The following ZBTB11 variants were observed in gnomAD, a reference collection of about 807,000 sequenced individuals.
ZBTB11 encodes zinc finger and BTB domain-containing protein 11.
ZBTB11 carries 68 observed loss-of-function variants against 113.1 expected under a neutral mutation model. The observed-to-expected ratio is 0.60, with a 90% confidence interval of 0.49 to 0.74. The LOEUF is 0.74. Among genes scored for constraint, ZBTB11 ranks in the 30% least tolerant of loss-of-function variants. The pLI is 0.00. For synonymous variants in ZBTB11, 518 were observed against 452.6 expected, an observed-to-expected ratio of 1.14 and a Z score of -1.83; for missense variants, 1,104 against 1,279.4, an observed-to-expected ratio of 0.86 and a Z score of 2.09.
intron 5 of ZBTB11, 83 bp from the exon 6 acceptor site, chr3:101,660,111 T>G: frequency 7.4e-7 from 1 of 1,347,562 alleles, no homozygotes; most frequent in African/African-American, 1.5e-5. Flanking sequence ...GGACTTTGTT[T>G]TTGTTACAAT....
rs1181866739 is a variant in ZBTB11, at chr3:101,649,093, C to G, written c.*2073G>C. 1.3e-5 allele frequency: 2 copies of G among 152,252 alleles called. No individual in the cohort carries two copies. 9.4% of individuals were successfully genotyped at this position (152,252 alleles called of 1,614,324 possible). ...CTCTCTTCTCTCCTCTGCCGCAACA[C>G]TCTTCTGCTCATGGAGCCTGGGGTT... On this transcript the variant is annotated 3_prime_UTR_variant, in exon 11 of 11. Coordinates refer to ENST00000312938, the MANE Select transcript of ZBTB11 (RefSeq NM_014415.4).
At chr3:101,672,922 A>G (rs1937106086) in intron 1 of ZBTB11, among the ~76,000 whole-genome samples, 1 of 152,216 alleles carries the variant, frequency 6.6e-6, no homozygotes, top group Admixed American at 6.5e-5. Context: ...TCCCAGAGGG[A>G]TGTTGTTCTT....
intron 6 of ZBTB11, among the ~76,000 whole-genome samples, chr3:101,657,960 CA>C (rs1239578319): frequency 6.6e-5 from 10 of 152,048 alleles, no homozygotes; most frequent in African/African-American, 2.2e-4. Context: ...AAGATAATGC[CA>C]CTGTATTCCG....
rs772107810 is a variant in ZBTB11 at position 101,654,811 on chromosome 3, C to T, written c.2202G>A (p.Lys734=). Residue 734 remains lysine (K), a synonymous_variant, in exon 8 of 11, where the codon AAG becomes AAA. Transcript: ENST00000312938. ...EHMSIHTGES[K]YLCSVCGKSF... is the part of the protein sequence containing the mutation. ...ACTTTCCACAAACTGAGCAAAGGTA[C>T]TTGGACTCTCCTATTAGAAAAAATT... The T allele has an allele frequency of 3.7e-6, 6 of 1,613,748 alleles. No homozygotes were observed. Among genetic ancestry groups the T allele is most frequent in the South Asian group, 1.1e-5 (1 of 91,066 alleles).
intron 6 of ZBTB11, among the ~76,000 whole-genome samples, chr3:101,657,630 T>C (rs1428099396): frequency 1.3e-5 from 2 of 151,924 alleles, no homozygotes; most frequent in Admixed American, 6.6e-5. Context: ...GAAGGGTACA[T>C]GAGAGTTCAA....
chr3:101,651,408 C>G lies in ZBTB11; in HGVS notation c.2920G>C (p.Glu974Gln). 1 of 1,614,108 alleles carries G rather than the reference C, an allele frequency of 6.2e-7. No homozygotes were observed. The highest frequency in any genetic ancestry group is 8.5e-7 in the Non-Finnish European group (1 of 1,179,984). The change falls in exon 11 of 11, where the codon GAA (glutamate) becomes CAA (glutamine). Residue 974 changes from glutamate (E) to glutamine (Q), a missense_variant. Transcript: ENST00000312938. ...TCTTGAGGACCACTGCTTTCTTGTT[C>G]CTGCATGCCTGCTGTTAAGATGCTA... ...AVSILTAGMQ[E>Q]QESSGPQELE...
intron 8 of ZBTB11, among the ~76,000 whole-genome samples, chr3:101,653,735 G>T (rs947261323): frequency 6.6e-6 from 1 of 152,110 alleles, no homozygotes; most frequent in African/African-American, 2.4e-5. Flanking sequence ...CAAACTGTTA[G>T]AATCAACCTT....
intron 7 of ZBTB11, 66 bp downstream of exon 7, chr3:101,656,038 T>TA (rs1936791840): frequency 8.5e-7 from 1 of 1,169,964 alleles, no homozygotes; most frequent in Non-Finnish European, 1.1e-6. Context: ...TAATTTCTGG[T>TA]ATAATTAAAG....
Position 101,672,021 on chromosome 3 carries a change from T to C in ZBTB11, c.503A>G (p.Lys168Arg). ...NFTSSPTTAS[K>R]PAKKKPVSKH... is the part of the protein sequence containing the mutation. ...GGATACTGGCTTCTTTTTTGCAGGC[T>C]TGGATGCTGTAGTTGGAGATGAAGT... Residue 168 changes from lysine to arginine, a missense_variant, in exon 2 of 11, where the codon AAG (lysine) becomes AGG (arginine). Physicochemically the swap from Lys to Arg is conservative, Grantham distance 26. Coordinates refer to ENST00000312938, the MANE Select transcript of ZBTB11 (RefSeq NM_014415.4). 1 of 1,614,180 alleles carries C rather than the reference T, an allele frequency of 6.2e-7. No individual in the cohort carries two copies. Among genetic ancestry groups the C allele is most frequent in the Non-Finnish European group, 8.5e-7 (1 of 1,180,022 alleles).
In ZBTB11 at chr3:101,675,389, G is replaced by T. The variant is rs373522101; in HGVS notation, c.310+1216C>A. Among the ~76,000 whole-genome samples, 4 of 152,290 alleles carry T rather than the reference G, an allele frequency of 2.6e-5. No individual in the cohort carries two copies. The South Asian group carries it at 8.3e-4, about 32-fold the overall frequency. On this transcript the variant is annotated intron_variant, in intron 1 of 10. Transcript: ENST00000312938. ...TTTGATTATCCAATAGTTCGTAAAC[G>T]AATAAACTTGATGATGTTTATAAAC... is the stretch of plus-strand genomic sequence containing the variant.
At chr3:101,658,154 TAAA>T (rs1936829067) in intron 6 of ZBTB11, among the ~76,000 whole-genome samples, 1 of 151,784 alleles carries the variant, frequency 6.6e-6, no homozygotes, top group African/African-American at 2.4e-5. Context: ...CACTCAGTCA[TAAA>T]AATGAACAAA....
chr3:101,652,473 C>CTATAAGG, intron 10 of ZBTB11, 23 bp downstream of exon 10: 1 of 1,606,720 alleles, frequency 6.2e-7, no homozygotes, highest in South Asian at 1.1e-5. Flanking sequence ...TATAAGGATA[C>CTATAAGG]ATATAATATA....
chr3:101,664,811 A>C, intron 4 of ZBTB11, 97 bp from the exon 5 acceptor site: 1 of 1,471,950 alleles, frequency 6.8e-7, no homozygotes, highest in Non-Finnish European at 9.1e-7. Context: ...TCAAATTCAC[A>C]TTATCTTATT....
chr3:101,676,151 C>G (rs780619853), intron 1 of ZBTB11, among the ~76,000 whole-genome samples: 11 of 152,142 alleles, frequency 7.2e-5, no homozygotes, highest in Non-Finnish European at 1.5e-4. Context: ...AAAACCCAAG[C>G]GCAGCACTAA....
intron 3 of ZBTB11, among the ~76,000 whole-genome samples, chr3:101,670,127 C>T (rs1375126296): frequency 3.9e-5 from 6 of 152,100 alleles, no homozygotes; most frequent in East Asian, 3.8e-4. Context: ...TGCGCCTGGC[C>T]GTTATTATTG....
At chr3:101,670,763 T>G (rs903502934) in intron 3 of ZBTB11, 1 of 184,810 alleles carries the variant, frequency 5.4e-6, no homozygotes, top group African/African-American at 2.4e-5. Context: ...CCCAAGTAGG[T>G]GGGACTACAG....
chr3:101,676,468 G>A lies in ZBTB11; in HGVS notation c.310+137C>T. On this transcript the variant is annotated intron_variant, in intron 1 of 10. Transcript: ENST00000312938. ...CTCCTTTCGCGTCCCCCACCCTCTC[G>A]GCTCCGCCTGGCAGCAGCTCCGCCG... The A allele has an allele frequency of 3.3e-6, 3 of 901,928 alleles. No individual in the cohort carries two copies. The South Asian group carries it at 8.7e-5, about 26-fold the overall frequency. The allele number at this position is 901,928 out of a possible 1,614,324, so 55.9% of individuals were successfully genotyped here.
At chr3:101,672,381 T>C (rs1937098248) in intron 1 of ZBTB11, among the ~76,000 whole-genome samples, 168 bp from the exon 2 acceptor site, 1 of 152,218 alleles carries the variant, frequency 6.6e-6, no homozygotes, top group Admixed American at 6.5e-5. Flanking sequence ...TCCCAAAAAA[T>C]ATAAAGTTAT....
At position 101,656,200 on chromosome 3, in the gene ZBTB11, T is replaced by A; in HGVS notation, c.2095A>T (p.Ser699Cys). 1 of 1,599,870 alleles carries A rather than the reference T, an allele frequency of 6.3e-7. No individual in the cohort carries two copies. The highest frequency in any genetic ancestry group is 8.5e-7 in the Non-Finnish European group (1 of 1,173,858). ...IYKHGLKLHQ[S>C]LHQSQKQFQC... The stretch of plus-strand genomic sequence containing the variant: ...AACTGCTTCTGTGATTGATGAAGAC[T>A]CTGATGTAATTTTAGACCATGCTTA... Residue 699 changes from serine to cysteine, a missense_variant, in exon 7 of 11, where the codon AGT (serine) becomes TGT (cysteine). Ser to Cys is a moderately radical substitution (Grantham distance 112). Around this residue, in one of 5 missense-constraint regions of ZBTB11, gnomAD observed 535 missense variants for 518.6 expected, o/e 1.03. Transcript: ENST00000312938.
Sources: gnomAD v4.1 joint callset for allele counts (sites outside exome capture counted in the v4.1 genomes callset) on GRCh38, gnomAD v4.1.1 for gene constraint, gnomAD v4.1.1 regional missense constraint, MANE v1.5 for transcripts, NCBI Gene and HGNC (gene_info 2026-07-23, HGNC 2026-07-21) for gene names.